The following KCNQ1 variants were observed in gnomAD, a reference collection of about 807,000 sequenced individuals.
KCNQ1 encodes the protein potassium voltage-gated channel subfamily KQT member 1.
KCNQ1 carries 49 observed loss-of-function variants against 72.4 expected under a neutral mutation model. The observed-to-expected ratio is 0.68, with a 90% CI of 0.54 to 0.86. The LOEUF (loss-of-function observed/expected upper bound fraction) is 0.86, where lower values mean the gene tolerates loss of function less well. Ranked by LOEUF, KCNQ1 falls within the 40% of genes least tolerant of loss-of-function variation. The pLI, the probability that KCNQ1 is intolerant of heterozygous loss-of-function variation, is 0.00. For missense variants in KCNQ1, 790 were observed against 945.1 expected, an observed-to-expected ratio of 0.84 and a Z score of 2.15; for synonymous variants, 450 against 412.6, an observed-to-expected ratio of 1.09 and a Z score of -1.10.
intron 15 of KCNQ1, among the ~76,000 whole-genome samples, chr11:2,800,465 T>G (rs1847238380): frequency 6.6e-6 from 1 of 152,152 alleles, no homozygotes; most frequent in East Asian, 1.9e-4. Context: ...TTGCCTCACC[T>G]CGGCCCAAAC....
At chr11:2,455,841 CATAGACAT>C (rs779031815) in intron 1 of KCNQ1, among the ~76,000 whole-genome samples, 25 of 152,176 alleles carry the variant, frequency 1.6e-4, no homozygotes, top group Non-Finnish European at 3.2e-4. Context: ...GGTATTGGTA[CATAGACAT>C]ATAGACCAAT....
In KCNQ1 at chr11:2,674,041, C is replaced by T; in HGVS notation, c.1514+11960C>T. ...GCTCTTTGGGCCTGGGGTGCAGCCC[C>T]TCATTTGTACTTGCTGGCTGCCCCA... On this transcript the variant is annotated intron_variant, in intron 11 of 15. Transcript: ENST00000155840. This position sits in a 1 kb window ranked among gnomAD's most constrained non-coding sequence, Gnocchi z 5.9. 1 of 398,522 alleles carries T rather than the reference C, an allele frequency of 2.5e-6. No homozygotes were observed. Among genetic ancestry groups the T allele is most frequent in the Admixed American group, 4.4e-5 (1 of 22,724 alleles). 24.7% of individuals were successfully genotyped at this position (398,522 alleles called of 1,614,324 possible).
intron 11 of KCNQ1, among the ~76,000 whole-genome samples, chr11:2,702,838 A>G (rs1052493365): frequency 5.3e-5 from 8 of 152,186 alleles, no homozygotes; most frequent in Non-Finnish European, 1.5e-5. Context: ...AGACGTGGTC[A>G]GGAAGGACAG....
intron 2 of KCNQ1, among the ~76,000 whole-genome samples, chr11:2,570,195 C>G (rs1305763710): frequency 6.6e-6 from 1 of 151,188 alleles, no homozygotes; most frequent in Non-Finnish European, 1.5e-5. Flanking sequence ...CCCTCTGACC[C>G]AAGCTGGGGT....
rs999304443 is a variant in KCNQ1 at position 2,493,823 on chromosome 11, C to T, written c.387-34105C>T. Among the ~76,000 whole-genome samples the T allele has an allele frequency of 5.3e-5, 8 of 152,088 alleles. No homozygotes were observed. The highest frequency in any genetic ancestry group is 9.7e-5 in the African/African-American group (4 of 41,428). ...TTCTTTTTACTTAGGATTGTCTTGGCTATATGGGCTCTTTTTTGGTTCCAT... is the reference window on the plus strand; with the variant it reads ...TTCTTTTTACTTAGGATTGTCTTGGTTATATGGGCTCTTTTTTGGTTCCAT... On this transcript the variant is annotated intron_variant, in intron 1 of 15. Transcript: ENST00000155840. The surrounding 1 kb of genome is among the most constrained non-coding windows in gnomAD (Gnocchi z 5.3).
At position 2,516,538 on chromosome 11, in the gene KCNQ1, C is replaced by T. The variant is rs1048410572; in HGVS notation, c.387-11390C>T. ...AGCTGGACCTTCCCAATTCGGTTGC[C>T]CTTGCTTGATGTTTACATGCCACTG... On this transcript the variant is annotated intron_variant, in intron 1 of 15. Transcript: ENST00000155840. The surrounding 1 kb of genome is among the most constrained non-coding windows in gnomAD (Gnocchi z 7.0). 6.6e-6 allele frequency among the ~76,000 whole-genome samples: 1 copy of T among 152,076 alleles called. No individual in the cohort carries two copies. Among genetic ancestry groups the T allele is most frequent in the African/African-American group, 2.4e-5 (1 of 41,416 alleles).
intron 2 of KCNQ1, among the ~76,000 whole-genome samples, chr11:2,552,974 A>C (rs11023268): frequency 0.16 from 23,853 of 152,168 alleles, 2,101 homozygotes; most frequent in East Asian, 0.3. Context: ...ATTTGTTCCT[A>C]AGTATTTTAT....
In KCNQ1 at chr11:2,659,559, T is replaced by C; in HGVS notation, c.1394-2402T>C. 2.5e-6 allele frequency: 1 copy of C among 398,592 alleles called. No individual in the cohort carries two copies. The highest frequency in any genetic ancestry group is 4.4e-6 in the Non-Finnish European group (1 of 226,032). The allele number at this position is 398,592 out of a possible 1,614,324, so 24.7% of individuals were successfully genotyped here. On this transcript the variant is annotated intron_variant, in intron 10 of 15. Transcript: ENST00000155840. The surrounding 1 kb of genome is among the most constrained non-coding windows in gnomAD (Gnocchi z 4.3). Reference sequence around the variant, plus strand: ...ATTTGGTAATTATGAGCAGAGTTACTATACACATTTATGTACAGGTTTTTG... The same window carrying C: ...ATTTGGTAATTATGAGCAGAGTTACCATACACATTTATGTACAGGTTTTTG...
chr11:2,574,607 G>C (rs1412843068), intron 6 of KCNQ1, among the ~76,000 whole-genome samples: 1 of 152,196 alleles, frequency 6.6e-6, no homozygotes, highest in South Asian at 2.1e-4. Flanking sequence ...ATCTGGGTGG[G>C]GTGAGAAGCC....
intron 1 of KCNQ1, among the ~76,000 whole-genome samples, chr11:2,453,063 G>A (rs1405648624): frequency 6.6e-6 from 1 of 152,260 alleles, no homozygotes; most frequent in East Asian, 1.9e-4. Context: ...AGATTTATGT[G>A]TTTGACCACA....
At chr11:2,553,965 C>T (rs1364749925) in intron 2 of KCNQ1, among the ~76,000 whole-genome samples, 1 of 152,206 alleles carries the variant, frequency 6.6e-6, no homozygotes, top group African/African-American at 2.4e-5. Flanking sequence ...GATCTGCCCG[C>T]CTTGACCTTC....
chr11:2,643,050 T>C (rs1849604616), intron 10 of KCNQ1: 1 of 397,988 alleles, frequency 2.5e-6, no homozygotes, highest in Non-Finnish European at 4.4e-6. Context: ...AAAATATATA[T>C]ATATTTAAAA....
At chr11:2,802,460 A>G (rs1049408943) in intron 15 of KCNQ1, among the ~76,000 whole-genome samples, 11 of 152,132 alleles carry the variant, frequency 7.2e-5, no homozygotes, top group Admixed American at 2.6e-4. Flanking sequence ...GGCCTGCCCA[A>G]TGTCTATTAA....
rs1409894121 is a variant in KCNQ1, at chr11:2,547,901, CCGGATGGGGCGTGTGCCTGGCG to C, written c.477+19887_477+19908del. Among the ~76,000 whole-genome samples, 2 of 152,168 alleles carry C rather than the reference CCGGATGGGGCGTGTGCCTGGCG, an allele frequency of 1.3e-5. No homozygotes were observed. The highest frequency in any genetic ancestry group is 2.9e-5 in the Non-Finnish European group (2 of 68,032). On this transcript the variant is annotated intron_variant, in intron 2 of 15. Transcript: ENST00000155840. The surrounding 1 kb of genome is among the most constrained non-coding windows in gnomAD (Gnocchi z 4.2). ...CAGAGAGCATGGCACGTGCCAAGAC[CCGGATGGGGCGTGTGCCTGGCG>C]CGGGTGGAGGGAGCTGTGAGGAGCC...
chr11:2,802,285 G>A (rs1441565527), intron 15 of KCNQ1, among the ~76,000 whole-genome samples: 2 of 152,230 alleles, frequency 1.3e-5, no homozygotes, highest in Non-Finnish European at 2.9e-5. Flanking sequence ...CAGCAGGACA[G>A]GGGTTTAGCC....
rs1847817850 is a variant in KCNQ1, at chr11:2,541,236, CGA to C, written c.477+13222_477+13223del. Reference sequence around the variant, plus strand: ...TGAGAACAAAATGTCAAGTGTGTGCCGAGAGGCGCAGGCCAGCCCCTTTTCCT... The same window carrying C: ...TGAGAACAAAATGTCAAGTGTGTGCCGAGGCGCAGGCCAGCCCCTTTTCCT... On this transcript the variant is annotated intron_variant, in intron 2 of 15. Transcript: ENST00000155840. The surrounding 1 kb of genome is among the most constrained non-coding windows in gnomAD (Gnocchi z 4.8). Among the ~76,000 whole-genome samples the C allele has an allele frequency of 6.6e-6, 1 of 152,228 alleles. No homozygotes were observed. Among genetic ancestry groups the C allele is most frequent in the African/African-American group, 2.4e-5 (1 of 41,460 alleles).
At chr11:2,622,651 A>G (rs1019659404) in intron 10 of KCNQ1, 5 of 398,148 alleles carry the variant, frequency 1.3e-5, no homozygotes, top group Non-Finnish European at 2.2e-5. Context: ...GTGTTTGATG[A>G]TTTTCTGATA....
chr11:2,777,671 G>A (rs1173997239), intron 14 of KCNQ1: 4 of 595,656 alleles, frequency 6.7e-6, no homozygotes, highest in Non-Finnish European at 1.2e-5. Context: ...CCTGGGAGTG[G>A]AATGGCATGG....
In KCNQ1 at chr11:2,494,807, T is replaced by G. The variant is rs947196659; in HGVS notation, c.387-33121T>G. On this transcript the variant is annotated intron_variant, in intron 1 of 15. Transcript: ENST00000155840. The surrounding 1 kb of genome is among the most constrained non-coding windows in gnomAD (Gnocchi z 4.6). Reference sequence around the variant, plus strand: ...GATATTGGCCTGAAGTTTTCTTTTTTTGTGTGTCGCTGCCAAATTTTGGTA... The same window carrying G: ...GATATTGGCCTGAAGTTTTCTTTTTGTGTGTGTCGCTGCCAAATTTTGGTA... 6.6e-6 allele frequency among the ~76,000 whole-genome samples: 1 copy of G among 152,176 alleles called. No individual in the cohort carries two copies. The highest frequency in any genetic ancestry group is 1.5e-5 in the Non-Finnish European group (1 of 68,026).
Sources: gnomAD v4.1 joint callset for allele counts (sites outside exome capture counted in the v4.1 genomes callset) on GRCh38, gnomAD v4.1.1 for gene constraint, Gnocchi (gnomAD v3.1) non-coding constraint, MANE v1.5 for transcripts, NCBI Gene and HGNC (gene_info 2026-07-23, HGNC 2026-07-21) for gene names.